Variants in SMYD1 observed in about 807,000 individuals in gnomAD.
SMYD1 encodes histone-lysine N-methyltransferase SMYD1.
Under a neutral mutation model 54.0 loss-of-function variants are expected in SMYD1, and 49 were observed. That is an observed-to-expected ratio of 0.91 (90% CI 0.72 to 1.15). The LOEUF (loss-of-function observed/expected upper bound fraction) is 1.15, where lower values mean the gene tolerates loss of function less well. SMYD1 is among the 50% of genes most tolerant of loss of function. SMYD1 has a pLI of 0.00. For missense variants in SMYD1, 653 were observed against 639.6 expected, an observed-to-expected ratio of 1.02 and a Z score of -0.23; for synonymous variants, 269 against 234.2, an observed-to-expected ratio of 1.15 and a Z score of -1.36.
intron 1 of SMYD1, among the ~76,000 whole-genome samples, chr2:88,081,462 AGTC>A (rs1383518223): frequency 6.7e-6 from 1 of 148,220 alleles, no homozygotes; most frequent in Non-Finnish European, 1.5e-5. Context: ...TTTGAGACAG[AGTC>A]TTGATCTGTC....
chr2:88,107,609 C>T (rs879744815), intron 8 of SMYD1, among the ~76,000 whole-genome samples: 1 of 152,194 alleles, frequency 6.6e-6, no homozygotes. Context: ...AGCTTCCCAG[C>T]GGCTTTGTTT....
At chr2:88,074,453 C>T (rs2103977644) in intron 1 of SMYD1, among the ~76,000 whole-genome samples, 1 of 152,304 alleles carries the variant, frequency 6.6e-6, no homozygotes, top group East Asian at 1.9e-4. Flanking sequence ...GGGATACTGT[C>T]CTTGTCTCAA....
chr2:88,070,744 G>A (rs890495055), intron 1 of SMYD1, among the ~76,000 whole-genome samples: 3 of 151,810 alleles, frequency 2.0e-5, no homozygotes, highest in African/African-American at 7.3e-5. Context: ...AGGAGTTCAG[G>A]ACTAGCCTGG....
chr2:88,084,536 C>T (rs374815001), intron 2 of SMYD1, 44 bp downstream of exon 2: 72 of 1,522,796 alleles, frequency 4.7e-5, no homozygotes, highest in Non-Finnish European at 6.3e-5. Context: ...TTCCAAATGT[C>T]AGGCTGGAAT....
Position 88,092,330 on chromosome 2 carries a change from G to C in SMYD1, c.660-1187G>C, listed in dbSNP as rs181784328. On this transcript the variant is annotated intron_variant, in intron 4 of 9. Transcript: ENST00000419482. The stretch of plus-strand genomic sequence containing the variant: ...GGGTACAAATGGAGAAGAATCAGCA[G>C]ATGGAATGAGCTCCTGGTGGTCCAT... Among the ~76,000 whole-genome samples, 9 of 152,312 alleles carry C rather than the reference G, an allele frequency of 5.9e-5. No individual in the cohort carries two copies. In the East Asian group the frequency reaches 1.5e-3, roughly 26 times the overall value.
At position 88,096,655 on chromosome 2, in the gene SMYD1, T is replaced by C. The variant is rs2919881; in HGVS notation, c.759T>C (p.Ile253=). 0.35 allele frequency: 556,637 copies of C among 1,611,278 alleles called. 98,144 individuals are homozygous for C. Among genetic ancestry groups the C allele is most frequent in the African/African-American group, 0.42 (31,214 of 74,848 alleles). ...GAGAGGAGCTGACTGTGTCCTATATTGACTTCCTCAACGTTAGTGAAGAAC... is the reference window on the plus strand; with the variant it reads ...GAGAGGAGCTGACTGTGTCCTATATCGACTTCCTCAACGTTAGTGAAGAAC... ...SEGEELTVSY[I]DFLNVSEERK... Residue 253 remains isoleucine (I), a synonymous_variant, in exon 6 of 10, where the codon ATT becomes ATC. Coordinates refer to ENST00000419482, the MANE Select transcript of SMYD1 (RefSeq NM_198274.4).
rs368175367 is a variant in SMYD1, at chr2:88,088,026, C to G, written c.479C>G (p.Pro160Arg). 6.2e-7 allele frequency: 1 copy of G among 1,614,092 alleles called. No individual in the cohort carries two copies. The highest frequency in any genetic ancestry group is 1.7e-5 in the Admixed American group (1 of 60,008). ...GACACATTCTTGCAGTACTGGCCGC[C>G]GCAGAGCCAGCAGTTCAGCATGCAG... is the stretch of plus-strand genomic sequence containing the variant. Reference protein sequence around the residue: ...DVDTFLQYWPPQSQQFSMQYI... With the variant: ...DVDTFLQYWPRQSQQFSMQYI... Residue 160 changes from proline to arginine, a missense_variant, in exon 3 of 10, where the codon CCG (proline) becomes CGG (arginine). Pro to Arg is a moderately radical substitution (Grantham distance 103, BLOSUM62 -2). Coordinates refer to ENST00000419482, the MANE Select transcript of SMYD1 (RefSeq NM_198274.4).
At position 88,113,239 on chromosome 2, in the gene SMYD1, A is replaced by G. The variant is rs1675070460; in HGVS notation, c.*2727A>G. 6.6e-6 allele frequency: 1 copy of G among 152,204 alleles called. No individual in the cohort carries two copies. The highest frequency in any genetic ancestry group is 2.1e-4 in the South Asian group (1 of 4,826). 9.4% of individuals were successfully genotyped at this position (152,204 alleles called of 1,614,324 possible). A position where few individuals can be genotyped will look rare whatever the true frequency, so the allele number is the denominator to read the frequency against. ...TCCTGGAATGTGGTAGGTGCTCAGTAAATGTGTGTTGAATAAATGAATGAA... is the reference window on the plus strand; with the variant it reads ...TCCTGGAATGTGGTAGGTGCTCAGTGAATGTGTGTTGAATAAATGAATGAA... On this transcript the variant is annotated 3_prime_UTR_variant, in exon 10 of 10. Coordinates refer to ENST00000419482, the MANE Select transcript of SMYD1 (RefSeq NM_198274.4).
chr2:88,103,847 A>G (rs1234015517), intron 7 of SMYD1, among the ~76,000 whole-genome samples: 1 of 152,180 alleles, frequency 6.6e-6, no homozygotes, highest in African/African-American at 2.4e-5. Context: ...TCAATCTGCA[A>G]CAGAAAACAG....
At chr2:88,089,871 C>A (rs534217058) in intron 3 of SMYD1, among the ~76,000 whole-genome samples, 5 of 152,116 alleles carry the variant, frequency 3.3e-5, no homozygotes, top group Non-Finnish European at 5.9e-5. Flanking sequence ...GGATTACAGG[C>A]GTAAGCCACC....
intron 5 of SMYD1, among the ~76,000 whole-genome samples, chr2:88,095,160 A>G (rs902716248): frequency 4.6e-5 from 7 of 152,106 alleles, no homozygotes; most frequent in Non-Finnish European, 1.0e-4. Flanking sequence ...TGCAGCTCAG[A>G]CATAGGATTC....
intron 1 of SMYD1, among the ~76,000 whole-genome samples, chr2:88,074,553 T>G (rs935288439): frequency 1.9e-4 from 29 of 152,346 alleles, no homozygotes; most frequent in Admixed American, 4.6e-4. Flanking sequence ...TGACAATTTT[T>G]GGGGGGCTAT....
chr2:88,090,090 GA>G (rs1674430513), intron 3 of SMYD1, among the ~76,000 whole-genome samples: 1 of 152,196 alleles, frequency 6.6e-6, no homozygotes, highest in Non-Finnish European at 1.5e-5. Flanking sequence ...GCTCAGAGAA[GA>G]AAGAAGTTTG....
chr2:88,106,622 C>T (rs1454706394), intron 8 of SMYD1, 134 bp downstream of exon 8: 4 of 902,134 alleles, frequency 4.4e-6, no homozygotes, highest in African/African-American at 1.7e-5. Context: ...TCATGGTTCT[C>T]TTTTTGACTG....
At chr2:88,097,380 A>G (rs1194936871) in intron 6 of SMYD1, among the ~76,000 whole-genome samples, 2 of 152,158 alleles carry the variant, frequency 1.3e-5, no homozygotes, top group Non-Finnish European at 2.9e-5. Context: ...GAGCTGGGAG[A>G]GAGAGCTGAG....
Position 88,110,409 on chromosome 2 carries a change from T to G in SMYD1, c.1370T>G (p.Met457Arg). 6.2e-7 allele frequency: 1 copy of G among 1,612,678 alleles called. No individual in the cohort carries two copies. The highest frequency in any genetic ancestry group is 8.5e-7 in the Non-Finnish European group (1 of 1,179,458). ...ELRMFRQNEFMYYKMREAALN... is the reference protein window; with the variant it reads ...ELRMFRQNEFRYYKMREAALN... ...CGCATGTTCCGCCAGAACGAATTCA[T>G]GTACTACAAGATGCGCGAGGCTGCC... The change falls in exon 10 of 10, where the codon ATG (methionine) becomes AGG (arginine). Residue 457 changes from methionine (M) to arginine (R), a missense_variant. Physicochemically the swap from Met to Arg is moderately conservative, Grantham distance 91 (BLOSUM62 -1). Transcript: ENST00000419482.
At chr2:88,097,347 G>C (rs114997108) in intron 6 of SMYD1, among the ~76,000 whole-genome samples, 1,685 of 152,306 alleles carry the variant, frequency 0.011, 32 homozygotes, top group Non-Finnish European at 0.011. Context: ...AAGGCTTGCT[G>C]AGGGGAGGTC....
chr2:88,067,841 C>T lies in SMYD1; in HGVS notation c.-24C>T, dbSNP rs1673862057. The T allele has an allele frequency of 6.2e-7, 1 of 1,608,826 alleles. No homozygotes were observed. The highest frequency in any genetic ancestry group is 8.5e-7 in the Non-Finnish European group (1 of 1,178,018). On this transcript the variant is annotated 5_prime_UTR_variant, in exon 1 of 10. Transcript: ENST00000419482. Reference sequence around the variant, plus strand: ...ACTTGGCTCAGTGTTAAATAACTGCCGCGCTGGCCTGACAGTCTCTGAGAT... The same window carrying T: ...ACTTGGCTCAGTGTTAAATAACTGCTGCGCTGGCCTGACAGTCTCTGAGAT...
rs1675061021 is a variant in SMYD1 at position 88,112,880 on chromosome 2, G to C, written c.*2368G>C. On this transcript the variant is annotated 3_prime_UTR_variant, in exon 10 of 10. Transcript: ENST00000419482. ...ATTTCCTGGAGTTGGTTTTGTCCTT[G>C]ATTCATTCTCATGTCATTCTGCACA... 1 of 152,192 alleles carries C rather than the reference G, an allele frequency of 6.6e-6. No individual in the cohort carries two copies. Among genetic ancestry groups the C allele is most frequent in the Non-Finnish European group, 1.5e-5 (1 of 68,128 alleles). The allele number at this position is 152,192 out of a possible 1,614,324, so 9.4% of individuals were successfully genotyped here. A position where few individuals can be genotyped will look rare whatever the true frequency, so the allele number is the denominator to read the frequency against.
Sources: gnomAD v4.1 joint callset for allele counts (sites outside exome capture counted in the v4.1 genomes callset) on GRCh38, gnomAD v4.1.1 for gene constraint, MANE v1.5 for transcripts, NCBI Gene and HGNC (gene_info 2026-07-23, HGNC 2026-07-21) for gene names.